The following SPATA17 variants were observed in gnomAD, a reference collection of about 807,000 sequenced individuals.
SPATA17 encodes spermatogenesis associated 17.
In SPATA17, 53 loss-of-function variants were observed where a neutral mutation model predicts 62.2. The ratio of observed to expected loss-of-function variants is 0.85; its 90% CI spans 0.68 to 1.07. SPATA17 has a LOEUF of 1.07. SPATA17 is among the 50% of genes least tolerant of loss of function. The pLI is 0.00. For missense variants in SPATA17, 466 were observed against 425.5 expected, an observed-to-expected ratio of 1.10 and a Z score of -0.84; for synonymous variants, 146 against 146.8, an observed-to-expected ratio of 0.99 and a Z score of 0.04.
chr1:217,846,756 G>A (rs1205460495), intron 9 of SPATA17, among the ~76,000 whole-genome samples: 1 of 151,692 alleles, frequency 6.6e-6, no homozygotes, highest in Non-Finnish European at 1.5e-5. Context: ...TTATAAAAAG[G>A]GCTTTATTAA....
intron 6 of SPATA17, among the ~76,000 whole-genome samples, chr1:217,770,988 T>A (rs1273033447): frequency 3.3e-5 from 4 of 121,496 alleles, no homozygotes; most frequent in South Asian, 3.1e-4. Context: ...ATTTTTTTTT[T>A]TTTTTTTTTT....
At chr1:217,715,771 C>T (rs981325150) in intron 5 of SPATA17, among the ~76,000 whole-genome samples, 3 of 151,714 alleles carry the variant, frequency 2.0e-5, no homozygotes, top group Non-Finnish European at 4.4e-5. Context: ...TTCTCAGTTT[C>T]GTTCTCTTTG....
At chr1:217,771,683 C>T (rs1343427720) in intron 6 of SPATA17, among the ~76,000 whole-genome samples, 3 of 151,922 alleles carry the variant, frequency 2.0e-5, no homozygotes. Context: ...ATTTGAAATT[C>T]AATTAAAATA....
chr1:217,705,487 C>T (rs1671713585), intron 5 of SPATA17, among the ~76,000 whole-genome samples: 1 of 115,458 alleles, frequency 8.7e-6, no homozygotes, highest in Non-Finnish European at 1.6e-5. Context: ...CATCACCAGG[C>T]TGGAGTGCAG....
At chr1:217,834,712 G>A (rs1420659998) in intron 9 of SPATA17, among the ~76,000 whole-genome samples, 1 of 151,990 alleles carries the variant, frequency 6.6e-6, no homozygotes, top group African/African-American at 2.4e-5. Flanking sequence ...TTACAGTAAG[G>A]TAAGTCTAGT....
At chr1:217,696,228 A>C (rs1279590692) in intron 5 of SPATA17, among the ~76,000 whole-genome samples, 1 of 152,142 alleles carries the variant, frequency 6.6e-6, no homozygotes, top group African/African-American at 2.4e-5. Context: ...TGAAAAGCGC[A>C]ATATTCGGGT....
At chr1:217,829,621 C>A (rs1333101578) in intron 9 of SPATA17, among the ~76,000 whole-genome samples, 4 of 58,512 alleles carry the variant, frequency 6.8e-5, no homozygotes, top group Non-Finnish European at 1.3e-4. Flanking sequence ...GAGCGAGACT[C>A]CATCTCAAAA....
At chr1:217,804,064 T>C (rs1290089032) in intron 9 of SPATA17, among the ~76,000 whole-genome samples, 2 of 151,328 alleles carry the variant, frequency 1.3e-5, no homozygotes, top group Non-Finnish European at 2.9e-5. Context: ...AATCCTAAAA[T>C]TCCTGAACCA....
intron 4 of SPATA17, among the ~76,000 whole-genome samples, chr1:217,677,295 AAGTT>A (rs768964162): frequency 2.6e-5 from 4 of 152,102 alleles, no homozygotes; most frequent in Non-Finnish European, 5.9e-5. Flanking sequence ...AATACAAAAA[AAGTT>A]AGAAAAGATT....
At chr1:217,855,995 G>A (rs772259567) in intron 9 of SPATA17, among the ~76,000 whole-genome samples, 2 of 152,006 alleles carry the variant, frequency 1.3e-5, no homozygotes, top group African/African-American at 4.8e-5. Context: ...AAAGTGCTGG[G>A]ATAACAGGTG....
chr1:217,670,107 AT>A (rs1420958563), intron 4 of SPATA17, among the ~76,000 whole-genome samples: 1 of 152,112 alleles, frequency 6.6e-6, no homozygotes, highest in East Asian at 1.9e-4. Flanking sequence ...AAACAATTCA[AT>A]TTTTCTCTTT....
intron 9 of SPATA17, among the ~76,000 whole-genome samples, chr1:217,837,005 A>T (rs1430436959): frequency 1.3e-5 from 2 of 152,154 alleles, no homozygotes; most frequent in African/African-American, 4.8e-5. Context: ...TAAAAAGTAG[A>T]GATGTAGAAT....
intron 5 of SPATA17, among the ~76,000 whole-genome samples, chr1:217,740,080 C>G (rs2102946881): frequency 6.6e-6 from 1 of 151,462 alleles, no homozygotes; most frequent in East Asian, 2.0e-4. Flanking sequence ...CTTAAAATAA[C>G]TTACACTTTT....
chr1:217,850,365 G>A, intron 9 of SPATA17: 1 of 801,410 alleles, frequency 1.2e-6, no homozygotes, highest in Non-Finnish European at 2.0e-6. Flanking sequence ...GCAGTGTAAT[G>A]CCATCACTGA....
At chr1:217,815,965 A>G (rs1172641340) in intron 9 of SPATA17, among the ~76,000 whole-genome samples, 1 of 152,130 alleles carries the variant, frequency 6.6e-6, no homozygotes, top group Non-Finnish European at 1.5e-5. Flanking sequence ...TAATACTTCC[A>G]TTATGTATTA....
chr1:217,759,785 T>C (rs928239467), intron 6 of SPATA17, among the ~76,000 whole-genome samples: 2 of 152,102 alleles, frequency 1.3e-5, no homozygotes, highest in Non-Finnish European at 2.9e-5. Context: ...TACCAAAGAA[T>C]AGTTAAAAGA....
chr1:217,721,164 C>T (rs185175730), intron 5 of SPATA17, among the ~76,000 whole-genome samples: 1 of 152,220 alleles, frequency 6.6e-6, no homozygotes, highest in African/African-American at 2.4e-5. Flanking sequence ...CTGGCACTGG[C>T]ATGGGAGAGG....
intron 4 of SPATA17, among the ~76,000 whole-genome samples, chr1:217,682,217 G>A (rs1671100943): frequency 1.3e-5 from 2 of 151,712 alleles, no homozygotes; most frequent in African/African-American, 2.4e-5. Context: ...TTTCAGATAG[G>A]GGTATTAGAA....
intron 10 of SPATA17, chr1:217,866,619 C>T (rs55673581): frequency 0.04 from 6,129 of 152,062 alleles, 163 homozygotes; most frequent in Middle Eastern, 0.068. Flanking sequence ...TGCCCTCATG[C>T]CCAGCTAACT....
Sources: allele counts gnomAD v4.1 joint callset (sites outside exome capture counted in the v4.1 genomes callset), GRCh38; gene constraint gnomAD v4.1.1; transcripts MANE v1.5; gene names NCBI Gene and HGNC (gene_info 2026-07-23, HGNC 2026-07-21).